The following THRB variants were observed in gnomAD, a reference collection of about 807,000 sequenced individuals.
The protein encoded by THRB is thyroid hormone receptor beta, also known as nuclear receptor subfamily 1 group A member 2.
In THRB, 12 loss-of-function variants were observed where a neutral mutation model predicts 47.8. The observed-to-expected ratio is 0.25, with a 90% CI of 0.16 to 0.41. The LOEUF (loss-of-function observed/expected upper bound fraction) is 0.41, where lower values mean the gene tolerates loss of function less well. THRB is among the 10% of genes least tolerant of loss of function. THRB has a pLI of 1.00. For missense variants in THRB, 348 were observed against 589.2 expected, an observed-to-expected ratio of 0.59 and a Z score of 4.24; for synonymous variants, 218 against 212.2, an observed-to-expected ratio of 1.03 and a Z score of -0.24.
At chr3:24,336,211 C>G (rs1440993721) in intron 2 of THRB, among the ~76,000 whole-genome samples, 2 of 152,200 alleles carry the variant, frequency 1.3e-5, no homozygotes, top group Non-Finnish European at 2.9e-5. Context: ...GGCAGCCAGA[C>G]AGGGGGCCCC....
chr3:24,411,122 GA>G (rs1560123854), intron 1 of THRB, among the ~76,000 whole-genome samples: 1 of 151,714 alleles, frequency 6.6e-6, no homozygotes, highest in Non-Finnish European at 1.5e-5. Context: ...GAAGCTAATT[GA>G]AACTGCAACA....
intron 2 of THRB, among the ~76,000 whole-genome samples, chr3:24,303,011 C>T (rs965375663): frequency 6.6e-6 from 1 of 152,168 alleles, no homozygotes; most frequent in African/African-American, 2.4e-5. Context: ...AGTCCTTCCA[C>T]TCTTACAGGT....
chr3:24,327,797 C>A (rs2061685948), intron 2 of THRB, among the ~76,000 whole-genome samples: 1 of 152,060 alleles, frequency 6.6e-6, no homozygotes, highest in South Asian at 2.1e-4. Flanking sequence ...TAAGACTTTG[C>A]AATAGGCGAG....
intron 1 of THRB, among the ~76,000 whole-genome samples, chr3:24,345,293 C>G (rs2062940601): frequency 6.6e-6 from 1 of 152,128 alleles, no homozygotes; most frequent in Non-Finnish European, 1.5e-5. Context: ...GCATTCACCA[C>G]TTCAGAGAAT....
At chr3:24,376,787 C>T (rs1172057304) in intron 1 of THRB, among the ~76,000 whole-genome samples, 1 of 152,164 alleles carries the variant, frequency 6.6e-6, no homozygotes, top group African/African-American at 2.4e-5. Flanking sequence ...GAACAAAACT[C>T]ATTACTCTTT....
intron 4 of THRB, among the ~76,000 whole-genome samples, chr3:24,209,183 C>A (rs1369248942): frequency 6.6e-6 from 1 of 152,198 alleles, no homozygotes; most frequent in Non-Finnish European, 1.5e-5. Flanking sequence ...GGTCAGGAAA[C>A]AACAGATGCT....
intron 1 of THRB, among the ~76,000 whole-genome samples, chr3:24,451,622 C>A (rs942769089): frequency 3.7e-4 from 56 of 152,176 alleles, no homozygotes; most frequent in African/African-American, 1.3e-3. Flanking sequence ...TTCACCTGCT[C>A]CTGACCTGCT....
chr3:24,237,213 GTA>G (rs1302489426), intron 3 of THRB, among the ~76,000 whole-genome samples: 1 of 152,174 alleles, frequency 6.6e-6, no homozygotes, highest in Non-Finnish European at 1.5e-5. Flanking sequence ...TCTCCACTGG[GTA>G]TGGCAGGAGA....
intron 1 of THRB, among the ~76,000 whole-genome samples, chr3:24,341,106 G>A (rs561706657): frequency 1.1e-4 from 17 of 149,998 alleles, no homozygotes; most frequent in African/African-American, 3.7e-4. Flanking sequence ...TTGCTTTTGG[G>A]AGTTTTGTCA....
chr3:24,377,486 T>C (rs903132559), intron 1 of THRB, among the ~76,000 whole-genome samples: 2 of 152,134 alleles, frequency 1.3e-5, no homozygotes, highest in Non-Finnish European at 2.9e-5. Flanking sequence ...GTGAGTCTGT[T>C]CTAGGGATGG....
At chr3:24,414,528 T>C (rs1020739575) in intron 1 of THRB, among the ~76,000 whole-genome samples, 1 of 151,858 alleles carries the variant, frequency 6.6e-6, no homozygotes, top group Non-Finnish European at 1.5e-5. Context: ...TCCTTAGCCA[T>C]CCGGACATAG....
intron 1 of THRB, among the ~76,000 whole-genome samples, chr3:24,388,784 T>A (rs1414998800): frequency 6.6e-6 from 1 of 152,016 alleles, no homozygotes; most frequent in African/African-American, 2.4e-5. Flanking sequence ...ATCCCTAACC[T>A]CAAGGCAGGC....
chr3:24,221,143 C>T (rs1053425591), intron 4 of THRB, among the ~76,000 whole-genome samples: 7 of 152,214 alleles, frequency 4.6e-5, no homozygotes, highest in African/African-American at 7.2e-5. Flanking sequence ...ATAAAACAAG[C>T]GCCTGGGACT....
At chr3:24,404,695 A>C (rs891316912) in intron 1 of THRB, among the ~76,000 whole-genome samples, 1 of 151,902 alleles carries the variant, frequency 6.6e-6, no homozygotes, top group African/African-American at 2.4e-5. Flanking sequence ...TAAATGAATT[A>C]ACAAATATTT....
chr3:24,395,491 A>G (rs1020143969), intron 1 of THRB, among the ~76,000 whole-genome samples: 2 of 152,152 alleles, frequency 1.3e-5, no homozygotes, highest in Admixed American at 6.6e-5. Flanking sequence ...AAGATGATAA[A>G]CAAGTGGGCA....
At position 24,159,998 on chromosome 3, in the gene THRB, C is replaced by T. The variant is rs562742460; in HGVS notation, c.284-7508G>A. Among the ~76,000 whole-genome samples, 22 of 152,254 alleles carry T rather than the reference C, an allele frequency of 1.4e-4. 1 individual carries two copies. The highest frequency in any genetic ancestry group is 5.3e-4 in the African/African-American group (22 of 41,534). On this transcript the variant is annotated intron_variant, in intron 5 of 10. Transcript: ENST00000646209. ...AACAAAGGATATCTGCCTTTGAAGGCAGGGCTGGTTGGGAGCGGGGGTGAT... is the reference window on the plus strand; with the variant it reads ...AACAAAGGATATCTGCCTTTGAAGGTAGGGCTGGTTGGGAGCGGGGGTGAT...
At chr3:24,283,471 AAT>A (rs1469757995) in intron 3 of THRB, among the ~76,000 whole-genome samples, 3 of 151,634 alleles carry the variant, frequency 2.0e-5, no homozygotes, top group African/African-American at 7.3e-5. Context: ...ACCCACAGCC[AAT>A]ATCATACTGA....
intron 2 of THRB, among the ~76,000 whole-genome samples, chr3:24,315,451 G>T (rs1210511447): frequency 6.6e-6 from 1 of 152,178 alleles, no homozygotes; most frequent in Non-Finnish European, 1.5e-5. Flanking sequence ...GATGCCTGTG[G>T]TGACTGACGC....
At chr3:24,335,363 A>C (rs2062182592) in intron 2 of THRB, among the ~76,000 whole-genome samples, 1 of 152,232 alleles carries the variant, frequency 6.6e-6, no homozygotes, top group East Asian at 1.9e-4. Context: ...ATATTAGAAC[A>C]GCATGATTTT....
Sources: gnomAD v4.1 joint callset for allele counts (sites outside exome capture counted in the v4.1 genomes callset) on GRCh38, gnomAD v4.1.1 for gene constraint, MANE v1.5 for transcripts, NCBI Gene and HGNC (gene_info 2026-07-23, HGNC 2026-07-21) for gene names.